The following PCDHGA1 variants were observed in gnomAD, a reference collection of about 807,000 sequenced individuals.
PCDHGA1 encodes protocadherin gamma-A1.
PCDHGA1 carries 32 observed loss-of-function variants against 58.0 expected under a neutral mutation model. That is an observed-to-expected ratio of 0.55 (90% CI 0.42 to 0.74). The LOEUF is 0.74. Ranked by LOEUF, PCDHGA1 falls within the 30% of genes least tolerant of loss-of-function variation. The probability of loss-of-function intolerance (pLI) is 0.00; values close to 1 mark genes in which losing one functional copy is unlikely to be tolerated. For synonymous variants in PCDHGA1, 498 were observed against 501.1 expected, an observed-to-expected ratio of 0.99 and a Z score of 0.08; for missense variants, 1,205 against 1,182.3, an observed-to-expected ratio of 1.02 and a Z score of -0.28.
At position 141,415,039 on chromosome 5, in the gene PCDHGA1, G is replaced by T. The variant is rs761101620; in HGVS notation, c.2422-79768G>T. ...CAAGGCCAGCGAGCCGGGACTCTTC[G>T]CGGTGGGGGAGCACACGGGCGAGGT... On this transcript the variant is annotated intron_variant, in intron 1 of 3. Transcript: ENST00000517417. The T allele has an allele frequency of 3.1e-6, 5 of 1,613,342 alleles. No homozygotes were observed. The highest frequency in any genetic ancestry group is 3.4e-6 in the Non-Finnish European group (4 of 1,179,934).
chr5:141,413,319 C>T, intron 1 of PCDHGA1: 1 of 1,613,960 alleles, frequency 6.2e-7, no homozygotes, highest in South Asian at 1.1e-5. Context: ...AAGGCTCTTT[C>T]GTGGGCAACA....
intron 1 of PCDHGA1, chr5:141,399,668 G>A (rs756009874): frequency 1.7e-5 from 28 of 1,613,644 alleles, no homozygotes; most frequent in Non-Finnish European, 8.5e-7. Flanking sequence ...TTCGCGCAGC[G>A]CGCCTTTGAC....
At chr5:141,415,095 C>T (rs1045755927) in intron 1 of PCDHGA1, 1 of 1,613,584 alleles carries the variant, frequency 6.2e-7, no homozygotes, top group Non-Finnish European at 8.5e-7. Context: ...TGGACAGAGA[C>T]GCGCTCAAGC....
At chr5:141,479,189 G>A (rs1466742057) in intron 1 of PCDHGA1, 3 of 152,358 alleles carry the variant, frequency 2.0e-5, no homozygotes, top group African/African-American at 7.2e-5. Flanking sequence ...AGAAAATTCA[G>A]AAAATACAGA....
chr5:141,482,981 AGG>A (rs2099575420), intron 1 of PCDHGA1, among the ~76,000 whole-genome samples: 1 of 150,250 alleles, frequency 6.7e-6, no homozygotes, highest in African/African-American at 2.5e-5. Context: ...GCTACTTGAG[AGG>A]TCGAGGCAGG....
intron 1 of PCDHGA1, among the ~76,000 whole-genome samples, chr5:141,353,303 A>G (rs1759240913): frequency 6.6e-6 from 1 of 152,202 alleles, no homozygotes; most frequent in Non-Finnish European, 1.5e-5. Flanking sequence ...CTCTTTATAA[A>G]TGTATTTAGA....
At chr5:141,419,770 G>C in intron 1 of PCDHGA1, 1 of 1,614,006 alleles carries the variant, frequency 6.2e-7, no homozygotes, top group Non-Finnish European at 8.5e-7. Context: ...ACAAGGACTC[G>C]GTCCGCCAGC....
rs1015821056 is a variant in PCDHGA1 at position 141,397,642 on chromosome 5, T to C, written c.2421+64537T>C. On this transcript the variant is annotated intron_variant, in intron 1 of 3. Coordinates refer to ENST00000517417, the MANE Select transcript of PCDHGA1 (RefSeq NM_018912.3). Reference sequence around the variant, plus strand: ...TAGTTCTAGCTAAGAGTTCAAGGTATGTTTGCAGAATGGTGAAAGAATGGA... The same window carrying C: ...TAGTTCTAGCTAAGAGTTCAAGGTACGTTTGCAGAATGGTGAAAGAATGGA... Among the ~76,000 whole-genome samples, 3 of 152,236 alleles carry C rather than the reference T, an allele frequency of 2.0e-5. No individual in the cohort carries two copies. The East Asian group carries it at 5.8e-4, about 29-fold the overall frequency.
chr5:141,360,083 AT>A (rs1761415587), intron 1 of PCDHGA1: 2 of 1,491,458 alleles, frequency 1.3e-6, no homozygotes, highest in Non-Finnish European at 8.9e-7. Flanking sequence ...GGATTCTGCC[AT>A]CCCCGGAAGG....
rs755863653 is a variant in PCDHGA1 at position 141,422,228 on chromosome 5, TG to T, written c.2422-72578del. 2.3e-5 allele frequency: 36 copies of T among 1,565,448 alleles called. No individual in the cohort carries two copies. The Middle Eastern group carries it at 8.6e-4, about 37-fold the overall frequency. ...GGAGGTCTCTTTACCACCACGACGA[TG>T]TTGATCACTGTTGTGGATGTGAATG... On this transcript the variant is annotated intron_variant, in intron 1 of 3. Transcript: ENST00000517417.
At chr5:141,355,194 G>A (rs768677645) in intron 1 of PCDHGA1, 3 of 1,595,232 alleles carry the variant, frequency 1.9e-6, no homozygotes, top group Non-Finnish European at 2.6e-6. Flanking sequence ...TCCGCGGCGG[G>A]GTTGTAATGG....
intron 1 of PCDHGA1, chr5:141,345,484 A>C: frequency 6.2e-7 from 1 of 1,613,876 alleles, no homozygotes. Flanking sequence ...AGCAACAACA[A>C]CGCCCGCATC....
chr5:141,381,844 T>TTTTTTTTC, intron 1 of PCDHGA1, among the ~76,000 whole-genome samples: 1 of 145,182 alleles, frequency 6.9e-6, no homozygotes. Context: ...TTTTTTTTTT[T>TTTTTTTTC]TTTTGGCAGA....
At chr5:141,478,617 G>T in intron 1 of PCDHGA1, 1 of 1,556,398 alleles carries the variant, frequency 6.4e-7, no homozygotes, top group South Asian at 1.2e-5. Context: ...AGGAAGGAAT[G>T]GAGCTGTTTT....
chr5:141,331,141 T>G lies in PCDHGA1; in HGVS notation c.457T>G (p.Ser153Ala). The change falls in exon 1 of 4, where the codon TCA becomes GCA. Residue 153 changes from serine (S) to alanine (A), a missense_variant. Coordinates refer to ENST00000517417, the MANE Select transcript of PCDHGA1 (RefSeq NM_018912.3). ...AATAACGACTCCAGGTACCAGAGTC[T>G]CATTGCCTTTTGGGCAAGACCTTGA... ...NEITTPGTRV[S>A]LPFGQDLDVG... The G allele has an allele frequency of 1.2e-6, 2 of 1,614,148 alleles. No homozygotes were observed. Among genetic ancestry groups the G allele is most frequent in the Middle Eastern group, 3.3e-4 (2 of 6,058 alleles).
At chr5:141,339,961 A>C (rs1274900090) in intron 1 of PCDHGA1, 2 of 1,614,170 alleles carry the variant, frequency 1.2e-6, no homozygotes, top group South Asian at 2.2e-5. Flanking sequence ...TTCTAACCAG[A>C]GCGAAGGTTA....
chr5:141,456,735 C>T (rs568353480), intron 1 of PCDHGA1, among the ~76,000 whole-genome samples: 8 of 152,216 alleles, frequency 5.3e-5, no homozygotes, highest in East Asian at 3.9e-4. Context: ...GAGGCTGAGG[C>T]GGGAGCATCA....
At chr5:141,499,730 T>C (rs1412528402) in intron 2 of PCDHGA1, among the ~76,000 whole-genome samples, 1 of 143,912 alleles carries the variant, frequency 6.9e-6, no homozygotes, top group East Asian at 2.1e-4. Context: ...AGTCTCACTC[T>C]CTTGCCCAGG....
At position 141,432,908 on chromosome 5, in the gene PCDHGA1, C is replaced by A. The variant is rs757934634; in HGVS notation, c.2422-61899C>A. On this transcript the variant is annotated intron_variant, in intron 1 of 3. Coordinates refer to ENST00000517417, the MANE Select transcript of PCDHGA1 (RefSeq NM_018912.3). This position sits in a 1 kb window ranked among gnomAD's most constrained non-coding sequence, Gnocchi z 6.0. ...CATCTTGCTGCTGGCGCTCAGGCTGCGGCGCTGGCACAAGTCACGCCTGCT... is the reference window on the plus strand; with the variant it reads ...CATCTTGCTGCTGGCGCTCAGGCTGAGGCGCTGGCACAAGTCACGCCTGCT... The A allele has an allele frequency of 1.6e-5, 26 of 1,614,168 alleles. No individual in the cohort carries two copies. Among genetic ancestry groups the A allele is most frequent in the Middle Eastern group, 1.7e-4 (1 of 6,060 alleles).
Sources: allele counts gnomAD v4.1 joint callset (sites outside exome capture counted in the v4.1 genomes callset), GRCh38; gene constraint gnomAD v4.1.1; non-coding constraint Gnocchi (gnomAD v3.1); transcripts MANE v1.5; gene names NCBI Gene and HGNC (gene_info 2026-07-23, HGNC 2026-07-21).